RAP1GAP2: variants seen among roughly 807,000 people sequenced by gnomAD.
RAP1GAP2 encodes the protein rap1 GTPase-activating protein 2.
RAP1GAP2 carries 27 observed loss-of-function variants against 95.0 expected under a neutral mutation model. That is an observed-to-expected ratio of 0.28 (90% CI 0.21 to 0.39). The LOEUF (loss-of-function observed/expected upper bound fraction) is 0.39, where lower values mean the gene tolerates loss of function less well. RAP1GAP2 is among the 10% of genes least tolerant of loss of function. The pLI, the probability that RAP1GAP2 is intolerant of heterozygous loss-of-function variation, is 1.00. For missense variants in RAP1GAP2, 771 were observed against 970.0 expected, an observed-to-expected ratio of 0.79 and a Z score of 2.72; for synonymous variants, 373 against 380.9, an observed-to-expected ratio of 0.98 and a Z score of 0.24.
intron 1 of RAP1GAP2, among the ~76,000 whole-genome samples, chr17:2,761,512 T>A (rs868744688): frequency 6.6e-6 from 1 of 151,926 alleles, no homozygotes; most frequent in East Asian, 1.9e-4. Flanking sequence ...GGTTTCAGAC[T>A]CCCAGGCTCA....
At chr17:2,932,522 T>C (rs1321923948) in intron 3 of RAP1GAP2, among the ~76,000 whole-genome samples, 1 of 151,046 alleles carries the variant, frequency 6.6e-6, no homozygotes, top group Non-Finnish European at 1.5e-5. Flanking sequence ...ATCCTTTTTA[T>C]TTATTATTTA....
intron 2 of RAP1GAP2, among the ~76,000 whole-genome samples, chr17:2,901,620 T>G (rs545149074): frequency 2.6e-5 from 4 of 152,330 alleles, no homozygotes; most frequent in African/African-American, 9.6e-5. Flanking sequence ...TAGAGCACAT[T>G]CAAGGTTATC....
chr17:2,823,773 G>A (rs1330818963), intron 2 of RAP1GAP2, among the ~76,000 whole-genome samples: 1 of 152,174 alleles, frequency 6.6e-6, no homozygotes, highest in Non-Finnish European at 1.5e-5. Flanking sequence ...AGGGTGCAGA[G>A]CAATTGTGGA....
intron 2 of RAP1GAP2, among the ~76,000 whole-genome samples, chr17:2,846,063 A>G (rs1439351580): frequency 6.6e-6 from 1 of 151,704 alleles, no homozygotes; most frequent in Non-Finnish European, 1.5e-5. Context: ...GGAGCCTGTA[A>G]TCCCAGCTAC....
intron 13 of RAP1GAP2, among the ~76,000 whole-genome samples, chr17:2,996,055 C>CA (rs1191885180): frequency 6.6e-6 from 1 of 152,180 alleles, no homozygotes; most frequent in African/African-American, 2.4e-5. Context: ...TCCTATAGAA[C>CA]AGCTGTTCAC....
Position 2,930,738 on chromosome 17 carries a change from G to T in RAP1GAP2, c.165+25370G>T, listed in dbSNP as rs370298174. Among the ~76,000 whole-genome samples the T allele has an allele frequency of 1.7e-4, 26 of 152,286 alleles. No homozygotes were observed. The East Asian group carries it at 2.7e-3, about 16-fold the overall frequency. On this transcript the variant is annotated intron_variant, in intron 3 of 24. Transcript: ENST00000254695. Reference sequence around the variant, plus strand: ...TCTTGTGTTACCTTTGTGCTTGAGTGGGGGGACCACAGGACAGGCAAATTA... The same window carrying T: ...TCTTGTGTTACCTTTGTGCTTGAGTTGGGGGACCACAGGACAGGCAAATTA...
chr17:2,779,688 A>G (rs955484112), intron 1 of RAP1GAP2, among the ~76,000 whole-genome samples: 5 of 149,274 alleles, frequency 3.3e-5, no homozygotes, highest in African/African-American at 1.2e-4. Flanking sequence ...AGGTGCTTGA[A>G]GGAGGAGTGG....
rs570593462 is a variant in RAP1GAP2 at position 2,965,316 on chromosome 17, G to A, written c.493-224G>A. On this transcript the variant is annotated intron_variant, in intron 7 of 24. Coordinates refer to ENST00000254695, the MANE Select transcript of RAP1GAP2 (RefSeq NM_015085.5). This position sits in a 1 kb window ranked among gnomAD's most constrained non-coding sequence, Gnocchi z 4.7. ...ATGTTCTCTCCCGGATACAGCTGTG[G>A]TCAGGACTGAAGGAGATAGTGGGTA... 3.5e-6 allele frequency: 2 copies of A among 565,932 alleles called. No individual in the cohort carries two copies. Among genetic ancestry groups the A allele is most frequent in the South Asian group, 4.1e-5 (2 of 48,418 alleles). The allele number at this position is 565,932 out of a possible 1,614,324, so 35.1% of individuals were successfully genotyped here. A position where few individuals can be genotyped will look rare whatever the true frequency, so the allele number is the denominator to read the frequency against.
At chr17:2,966,880 T>A (rs936043166) in intron 8 of RAP1GAP2, among the ~76,000 whole-genome samples, 6 of 152,152 alleles carry the variant, frequency 3.9e-5, no homozygotes, top group East Asian at 1.9e-4. Flanking sequence ...AATACAAAGA[T>A]CTAACCCCCT....
At chr17:2,806,991 A>G (rs1954206444) in intron 2 of RAP1GAP2, among the ~76,000 whole-genome samples, 1 of 150,422 alleles carries the variant, frequency 6.6e-6, no homozygotes, top group African/African-American at 2.5e-5. Context: ...GTCTGCCACA[A>G]CCCTTTAAAC....
At chr17:2,897,888 G>C (rs1290739152) in intron 2 of RAP1GAP2, among the ~76,000 whole-genome samples, 2 of 151,590 alleles carry the variant, frequency 1.3e-5, no homozygotes, top group Non-Finnish European at 2.9e-5. Context: ...TGAAGTAGGG[G>C]TGGGGATTGC....
rs575075444 is a variant in RAP1GAP2, at chr17:2,980,581, G to A, written c.675+216G>A. Among the ~76,000 whole-genome samples the A allele has an allele frequency of 4.3e-4, 66 of 152,288 alleles. 1 individual carries two copies. The highest frequency in any genetic ancestry group is 3.4e-3 in the Middle Eastern group (1 of 294). Reference sequence around the variant, plus strand: ...CCCTCCATAGCTCATCCTTGTTGCCGAGGCTGCTTAGGAACAGTATCCTCC... The same window carrying A: ...CCCTCCATAGCTCATCCTTGTTGCCAAGGCTGCTTAGGAACAGTATCCTCC... On this transcript the variant is annotated intron_variant, in intron 9 of 24. Transcript: ENST00000254695.
chr17:2,759,031 G>A (rs1480391716), intron 1 of RAP1GAP2, among the ~76,000 whole-genome samples: 3 of 151,854 alleles, frequency 2.0e-5, no homozygotes, highest in Non-Finnish European at 4.4e-5. Context: ...GCAGAGATGG[G>A]GTCTTGCTAT....
At chr17:3,032,495 G>T in intron 24 of RAP1GAP2, 46 bp downstream of exon 24, 1 of 1,567,400 alleles carries the variant, frequency 6.4e-7, no homozygotes, top group Non-Finnish European at 8.8e-7. Context: ...GGGGACGTGT[G>T]TTTCTTTTAG....
chr17:2,788,227 GGTGTGTGT>G (rs1156640629), intron 1 of RAP1GAP2, among the ~76,000 whole-genome samples: 1 of 152,036 alleles, frequency 6.6e-6, no homozygotes, highest in Non-Finnish European at 1.5e-5. Context: ...TGTATATAGG[GGTGTGTGT>G]GTATGTGTGT....
chr17:3,011,217 C>A (rs971763045), intron 17 of RAP1GAP2, among the ~76,000 whole-genome samples: 1 of 152,072 alleles, frequency 6.6e-6, no homozygotes, highest in Admixed American at 6.5e-5. Flanking sequence ...TGTGAGCCAC[C>A]GCGCCCGGCC....
At chr17:2,962,458 CA>C (rs2044377033) in intron 4 of RAP1GAP2, 1 of 532,174 alleles carries the variant, frequency 1.9e-6, no homozygotes. Context: ...CGATCTGGCT[CA>C]AGTCTATGCT....
chr17:2,833,673 C>G (rs953366894), intron 2 of RAP1GAP2, among the ~76,000 whole-genome samples: 5 of 124,664 alleles, frequency 4.0e-5, no homozygotes, highest in South Asian at 2.5e-4. Flanking sequence ...CTGGGAGACA[C>G]AGCGAGACTC....
intron 2 of RAP1GAP2, among the ~76,000 whole-genome samples, chr17:2,802,900 C>A (rs2069363837): frequency 6.6e-6 from 1 of 152,186 alleles, no homozygotes; most frequent in African/African-American, 2.4e-5. Flanking sequence ...TCACCCGGGA[C>A]AAGATGCTTC....
Sources: gnomAD v4.1 joint callset for allele counts (sites outside exome capture counted in the v4.1 genomes callset) on GRCh38, gnomAD v4.1.1 for gene constraint, Gnocchi (gnomAD v3.1) non-coding constraint, MANE v1.5 for transcripts, NCBI Gene and HGNC (gene_info 2026-07-23, HGNC 2026-07-21) for gene names.